Variants in DGKH observed in about 807,000 individuals in gnomAD.
The protein encoded by DGKH is diacylglycerol kinase eta.
A neutral mutation model predicts 159.3 loss-of-function variants in DGKH; 90 were observed. That is an observed-to-expected ratio of 0.57 (90% confidence interval 0.48 to 0.67). The LOEUF (loss-of-function observed/expected upper bound fraction) is 0.67, where lower values mean the gene tolerates loss of function less well. DGKH is among the 30% of genes least tolerant of loss of function. The probability of loss-of-function intolerance (pLI) is 0.00; values close to 1 mark genes in which losing one functional copy is unlikely to be tolerated. For missense variants in DGKH, 1,181 were observed against 1,506.1 expected (o/e 0.78, Z 3.57); for synonymous variants, 536 against 553.8 (o/e 0.97, Z 0.45).
chr13:42,106,578 T>C (rs1014356852), intron 1 of DGKH, among the ~76,000 whole-genome samples: 2 of 152,172 alleles, frequency 1.3e-5, no homozygotes, highest in African/African-American at 2.4e-5. Context: ...TAGAGTGGCA[T>C]GTGGGTAGGA....
intron 1 of DGKH, among the ~76,000 whole-genome samples, chr13:42,121,911 G>A (rs539178212): frequency 3.8e-4 from 58 of 152,182 alleles, no homozygotes; most frequent in Non-Finnish European, 7.2e-4. Context: ...CCGCCGTGGA[G>A]TCTCTCCCTC....
intron 20 of DGKH, among the ~76,000 whole-genome samples, chr13:42,204,436 A>C (rs1957415628): frequency 6.6e-6 from 1 of 152,228 alleles, no homozygotes; most frequent in Admixed American, 6.5e-5. Flanking sequence ...AAGAAAAGGA[A>C]TTGTGAAACA....
intron 14 of DGKH, among the ~76,000 whole-genome samples, chr13:42,188,273 T>TG (rs978326024): frequency 1.3e-5 from 2 of 152,146 alleles, no homozygotes; most frequent in South Asian, 2.1e-4. Flanking sequence ...AAAAGTATAT[T>TG]GGGGGGTAGC....
At chr13:42,064,370 G>C (rs749128066) in intron 1 of DGKH, among the ~76,000 whole-genome samples, 2 of 152,150 alleles carry the variant, frequency 1.3e-5, no homozygotes, top group Non-Finnish European at 2.9e-5. Context: ...ACCTGAGCCG[G>C]GTGACCAGGA....
chr13:42,214,400 A>T, intron 24 of DGKH, 107 bp from the exon 25 acceptor site: 3 of 1,013,602 alleles, frequency 3.0e-6, no homozygotes, highest in Middle Eastern at 5.2e-4. Flanking sequence ...TTCCATACTG[A>T]TCTTCATATA....
intron 13 of DGKH, chr13:42,181,784 A>G (rs559365360): frequency 7.7e-6 from 4 of 517,872 alleles, no homozygotes; most frequent in Admixed American, 2.5e-5. Context: ...AGGATGCAGC[A>G]GCAGGAGACT....
chr13:42,256,562 CG>C, exon 31 of DGKH: 1 of 693,336 alleles, frequency 1.4e-6, no homozygotes, highest in Non-Finnish European at 2.6e-6. Flanking sequence ...TGAAAATAAA[CG>C]TGTATATAAT....
At chr13:42,204,361 G>A (rs1287334956) in intron 20 of DGKH, among the ~76,000 whole-genome samples, 4 of 152,150 alleles carry the variant, frequency 2.6e-5, no homozygotes, top group African/African-American at 9.7e-5. Context: ...ACCCCCAGGT[G>A]CATGGACCTT....
intron 1 of DGKH, among the ~76,000 whole-genome samples, chr13:42,053,400 G>GTA (rs950533328): frequency 2.7e-4 from 40 of 145,838 alleles, no homozygotes; most frequent in Non-Finnish European, 9.0e-5. Context: ...ATATGTAACT[G>GTA]TATATATATA....
intron 1 of DGKH, among the ~76,000 whole-genome samples, chr13:42,118,680 C>T (rs1955008587): frequency 1.3e-5 from 2 of 152,162 alleles, no homozygotes; most frequent in Admixed American, 1.3e-4. Flanking sequence ...GATTTCAAGA[C>T]AGACAAGTGG....
chr13:42,165,324 T>C lies in DGKH; in HGVS notation c.856-7T>C, dbSNP rs1378275945. The C allele has an allele frequency of 8.7e-6, 13 of 1,489,780 alleles. No homozygotes were observed. Among genetic ancestry groups the C allele is most frequent in the Non-Finnish European group, 9.1e-6 (10 of 1,102,760 alleles). 92.3% of individuals were successfully genotyped at this position (1,489,780 alleles called of 1,614,324 possible). On this transcript the variant is annotated splice_polypyrimidine_tract_variant and splice_region_variant and intron_variant, in intron 7 of 29. Transcript: ENST00000337343. ...TGATTCTTGAAGGTATATTTGTTTG[T>C]CATTAGGTACACACTGCCTGCAAAG...
At chr13:42,049,258 G>A (rs1401513093) in intron 1 of DGKH, among the ~76,000 whole-genome samples, 1 of 152,066 alleles carries the variant, frequency 6.6e-6, no homozygotes, top group Non-Finnish European at 1.5e-5. Context: ...TGCGCGGGAG[G>A]CTGCGAGCCT....
intron 16 of DGKH, among the ~76,000 whole-genome samples, chr13:42,193,671 C>T (rs1461367156): frequency 6.6e-6 from 1 of 152,066 alleles, no homozygotes; most frequent in East Asian, 1.9e-4. Context: ...AGTTGAACAT[C>T]AAAAAGTTGT....
intron 1 of DGKH, among the ~76,000 whole-genome samples, chr13:42,121,509 A>T (rs913700793): frequency 6.6e-6 from 1 of 152,220 alleles, no homozygotes; most frequent in African/African-American, 2.4e-5. Flanking sequence ...CACAATGGTG[A>T]TACAAAGACA....
intron 1 of DGKH, among the ~76,000 whole-genome samples, chr13:42,063,609 G>A (rs1366825827): frequency 6.6e-6 from 1 of 152,140 alleles, no homozygotes; most frequent in Non-Finnish European, 1.5e-5. Flanking sequence ...TCAAGCTACA[G>A]CTTTTTTAAA....
At chr13:42,098,271 G>A (rs1954584505) in intron 1 of DGKH, among the ~76,000 whole-genome samples, 1 of 152,198 alleles carries the variant, frequency 6.6e-6, no homozygotes, top group African/African-American at 2.4e-5. Flanking sequence ...CAGATCACTG[G>A]AGGCCAGAAG....
At chr13:42,046,242 C>T (rs1180937613), upstream of DGKH, among the ~76,000 whole-genome samples, 2 of 151,962 alleles carry the variant, frequency 1.3e-5, no homozygotes, top group African/African-American at 4.8e-5. Flanking sequence ...TGTAAGATAC[C>T]ACATATTTGA....
intron 3 of DGKH, among the ~76,000 whole-genome samples, chr13:42,143,407 C>G (rs1338329382): frequency 2.6e-5 from 4 of 152,034 alleles, no homozygotes; most frequent in African/African-American, 4.8e-5. Context: ...GATGATGCTG[C>G]CCTCATAAAA....
chr13:42,142,925 A>G (rs187435874), intron 3 of DGKH, among the ~76,000 whole-genome samples: 250 of 152,296 alleles, frequency 1.6e-3, no homozygotes, highest in African/African-American at 5.9e-3. Context: ...CAGAACTTCC[A>G]ACACTGTGTT....
Sources: allele counts gnomAD v4.1 joint callset (sites outside exome capture counted in the v4.1 genomes callset), GRCh38; gene constraint gnomAD v4.1.1; transcripts MANE v1.5; gene names NCBI Gene and HGNC (gene_info 2026-07-23, HGNC 2026-07-21).